OOEP: variants seen among roughly 807,000 people sequenced by gnomAD.
OOEP encodes the protein oocyte-expressed protein homolog.
OOEP carries 16 observed loss-of-function variants against 13.7 expected under a neutral mutation model. The ratio of observed to expected loss-of-function variants is 1.16; its 90% CI spans 0.79 to 1.77. The LOEUF (loss-of-function observed/expected upper bound fraction) is 1.77, where lower values mean the gene tolerates loss of function less well. Ranked by LOEUF, OOEP falls within the 40% of genes most tolerant of loss-of-function variation. The pLI, the probability that OOEP is intolerant of heterozygous loss-of-function variation, is 0.00. For synonymous variants in OOEP, 89 were observed against 77.1 expected (o/e 1.15, Z -0.81); for missense variants, 195 against 193.1 (o/e 1.01, Z -0.06).
chr6:73,394,299 T>A (rs1272266028), intron 2 of OOEP: 1 of 714,212 alleles, frequency 1.4e-6, no homozygotes, highest in African/African-American at 1.8e-5. Context: ...ATCTGTTGTT[T>A]CAAGTTTTTT....
At chr6:73,379,545 A>C (rs1226511323) in intron 2 of OOEP, among the ~76,000 whole-genome samples, 1 of 149,476 alleles carries the variant, frequency 6.7e-6, no homozygotes, top group African/African-American at 2.5e-5. Flanking sequence ...AGGCTGAGGC[A>C]GGAGAATCGC....
At chr6:73,369,963 G>A (rs1769024243), upstream of OOEP, 1 of 607,658 alleles carries the variant, frequency 1.6e-6, no homozygotes, top group Non-Finnish European at 2.9e-6. Flanking sequence ...CCGGCATAGC[G>A]GCACCATTGG....
At position 73,368,812 on chromosome 6, in the gene OOEP, G is replaced by A; in HGVS notation, c.422C>T (p.Pro141Leu). 2.5e-6 allele frequency: 4 copies of A among 1,613,422 alleles called. No homozygotes were observed. The highest frequency in any genetic ancestry group is 3.4e-6 in the Non-Finnish European group (4 of 1,179,362). ...AGCAACAGGATCCTGGGGAGAGTGG[G>A]GGTCTGATGCATGGGCCTTCAAGTT... ...EKNLKAHASD[P>L]HSPQDPVA The change falls in exon 3 of 3, where the codon CCC becomes CTC. Residue 141 changes from proline (P) to leucine (L), a missense_variant. Transcript: ENST00000370359.
intron 2 of OOEP, among the ~76,000 whole-genome samples, chr6:73,385,748 C>T (rs1301060769): frequency 2.6e-5 from 4 of 152,000 alleles, no homozygotes; most frequent in African/African-American, 9.7e-5. Context: ...CCACCACGCC[C>T]GGCTAGTTTT....
At chr6:73,380,711 T>C (rs186921381) in intron 2 of OOEP, among the ~76,000 whole-genome samples, 1 of 151,852 alleles carries the variant, frequency 6.6e-6, no homozygotes, top group African/African-American at 2.4e-5. Flanking sequence ...CTTTGAGTTG[T>C]TTTTTGTTTT....
At chr6:73,369,553 T>C (rs983833823) in intron 1 of OOEP, 50 bp downstream of exon 1, 30 of 1,574,464 alleles carry the variant, frequency 1.9e-5, no homozygotes, top group Non-Finnish European at 2.6e-5. Flanking sequence ...CTGCCAAGCC[T>C]CTCTCAGACT....
intron 2 of OOEP, among the ~76,000 whole-genome samples, chr6:73,379,278 C>T (rs971693294): frequency 6.6e-6 from 1 of 151,354 alleles, no homozygotes; most frequent in Non-Finnish European, 1.5e-5. Flanking sequence ...CCTGCCTCAG[C>T]CTCCCAAAGT....
chr6:73,389,537 G>C (rs147821439), intron 2 of OOEP, among the ~76,000 whole-genome samples: 1 of 151,934 alleles, frequency 6.6e-6, no homozygotes, highest in African/African-American at 2.4e-5. Flanking sequence ...GCTTTTTATC[G>C]CAAAAGGCTT....
chr6:73,374,141 T>C (rs1769102280), upstream of OOEP, among the ~76,000 whole-genome samples: 1 of 151,914 alleles, frequency 6.6e-6, no homozygotes, highest in Admixed American at 6.6e-5. Context: ...TGAGCTATGA[T>C]TGCACCACTG....
At chr6:73,381,205 T>A (rs1366821693) in intron 2 of OOEP, among the ~76,000 whole-genome samples, 1 of 101,000 alleles carries the variant, frequency 9.9e-6, no homozygotes, top group African/African-American at 4.2e-5. Context: ...AAAAAAGTGT[T>A]AAAAAAAAAA....
At chr6:73,369,078 C>G (rs1769001748) in intron 2 of OOEP, 128 bp downstream of exon 2, 1 of 1,003,626 alleles carries the variant, frequency 1.0e-6, no homozygotes, top group Non-Finnish European at 1.5e-6. Flanking sequence ...AAACTTCGTA[C>G]AGCTAGCTCC....
intron 2 of OOEP, among the ~76,000 whole-genome samples, chr6:73,388,231 C>A (rs1415868863): frequency 2.6e-5 from 4 of 152,110 alleles, no homozygotes; most frequent in African/African-American, 9.7e-5. Flanking sequence ...CTTATGCCTC[C>A]CCCTCCCCCA....
chr6:73,382,173 T>G (rs1471122040), intron 2 of OOEP, among the ~76,000 whole-genome samples: 1 of 150,520 alleles, frequency 6.6e-6, no homozygotes, highest in East Asian at 2.0e-4. Flanking sequence ...TCAGCCTCCC[T>G]AGTACCTGCG....
rs773430200 is a variant in OOEP, at chr6:73,395,015, G to C, written c.-415C>G. On this transcript the variant is annotated 5_prime_UTR_variant, in exon 1 of 4. Coordinates refer to the OOEP transcript ENST00000370363. ...AGGAGGCCGGCGGAGGAGTTGAATCGAACAGGTCCTGAGGGATATAGTGTC... is the reference window on the plus strand; with the variant it reads ...AGGAGGCCGGCGGAGGAGTTGAATCCAACAGGTCCTGAGGGATATAGTGTC... 3.7e-6 allele frequency: 6 copies of C among 1,614,138 alleles called. No homozygotes were observed. The African/African-American group carries it at 8.0e-5, about 22-fold the overall frequency.
At position 73,394,226 on chromosome 6, in the gene OOEP, C is replaced by G. The variant is rs1769403081; in HGVS notation, c.25+120G>C. ...TTGTGGATTACAACCATTTCAAAAA[C>G]TAAAATAAGCGTAAATGTATCAAAA... On this transcript the variant is annotated intron_variant, in intron 2 of 3. Coordinates refer to the OOEP transcript ENST00000370363. 4.9e-6 allele frequency: 3 copies of G among 609,846 alleles called. No individual in the cohort carries two copies. The African/African-American group carries it at 5.7e-5, about 12-fold the overall frequency. The allele number at this position is 609,846 out of a possible 1,614,324, so 37.8% of individuals were successfully genotyped here.
At chr6:73,380,502 C>T (rs1769191695) in intron 2 of OOEP, among the ~76,000 whole-genome samples, 3 of 152,010 alleles carry the variant, frequency 2.0e-5, no homozygotes, top group African/African-American at 7.2e-5. Flanking sequence ...CAGATCCATA[C>T]AATGAAATGT....
chr6:73,393,670 T>C (rs1208144298), intron 2 of OOEP, among the ~76,000 whole-genome samples: 1 of 152,084 alleles, frequency 6.6e-6, no homozygotes, highest in East Asian at 1.9e-4. Context: ...ACAAAATAAT[T>C]AGCCTGGCAT....
In OOEP at chr6:73,393,460, C is replaced by G. The variant is rs139778404; in HGVS notation, c.25+886G>C. Among the ~76,000 whole-genome samples, 581 of 152,252 alleles carry G rather than the reference C, an allele frequency of 3.8e-3. 4 individuals are homozygous for G. Among genetic ancestry groups the G allele is most frequent in the African/African-American group, 0.013 (556 of 41,542 alleles). Reference sequence around the variant, plus strand: ...AGTGCACTTGCAGCTGGCTTGAAGCCCTGGAGTAGTAGTATGTCCAGCCAC... The same window carrying G: ...AGTGCACTTGCAGCTGGCTTGAAGCGCTGGAGTAGTAGTATGTCCAGCCAC... On this transcript the variant is annotated intron_variant, in intron 2 of 3. Coordinates refer to the OOEP transcript ENST00000370363.
At chr6:73,383,908 C>G (rs917408938) in intron 2 of OOEP, among the ~76,000 whole-genome samples, 34 of 151,924 alleles carry the variant, frequency 2.2e-4, no homozygotes, top group African/African-American at 8.2e-4. Context: ...CCAGCCTGAG[C>G]AACATAATGA....
Sources: allele counts gnomAD v4.1 joint callset (sites outside exome capture counted in the v4.1 genomes callset), GRCh38; gene constraint gnomAD v4.1.1; transcripts MANE v1.5; gene names NCBI Gene and HGNC (gene_info 2026-07-23, HGNC 2026-07-21).